The following GSDME variants were observed in gnomAD, a reference collection of about 807,000 sequenced individuals.
GSDME encodes the protein gasdermin E.
In GSDME, 44 loss-of-function variants were observed where a neutral mutation model predicts 47.5. The observed-to-expected ratio is 0.93, with a 90% CI of 0.73 to 1.19. The LOEUF is 1.19. Ranked by LOEUF, GSDME falls within the 50% of genes most tolerant of loss-of-function variation. The probability of loss-of-function intolerance (pLI) is 0.00; values close to 1 mark genes in which losing one functional copy is unlikely to be tolerated. For synonymous variants in GSDME, 258 were observed against 252.8 expected (o/e 1.02, Z -0.20); for missense variants, 663 against 604.2 (o/e 1.10, Z -1.02).
the GSDME span, among the ~76,000 whole-genome samples, chr7:24,763,479 G>T: frequency 2.0e-5 from 3 of 152,024 alleles, no homozygotes; most frequent in Non-Finnish European, 4.4e-5. This position sits in a 1 kb window ranked among gnomAD's most constrained non-coding sequence, Gnocchi z 4.3. Context: ...GTGACCAGCA[G>T]GCAGGCGTGT....
At chr7:24,710,075 TG>T in intron 6 of GSDME, 148 bp downstream of exon 6, 1 of 862,506 alleles carries the variant, frequency 1.2e-6, no homozygotes, top group Non-Finnish European at 1.9e-6. Context: ...TCCTGCCGAG[TG>T]GACTGGGCCT....
At chr7:24,765,253 G>A in the GSDME span, among the ~76,000 whole-genome samples, 1 of 152,202 alleles carries the variant, frequency 6.6e-6, no homozygotes, top group African/African-American at 2.4e-5. Context: ...ATCCCATTAA[G>A]TTTTAAATGT....
At chr7:24,699,777 T>C (rs567876091) in intron 9 of GSDME, among the ~76,000 whole-genome samples, 1 of 152,310 alleles carries the variant, frequency 6.6e-6, no homozygotes, top group Admixed American at 6.5e-5. Context: ...ATCCCTACTC[T>C]CCAAACTCTT....
At chr7:24,750,129 C>G (rs1302494675) in intron 1 of GSDME, among the ~76,000 whole-genome samples, 1 of 152,112 alleles carries the variant, frequency 6.6e-6, no homozygotes. Context: ...ATTCAGGGAT[C>G]CAGACTGAAG....
In GSDME at chr7:24,734,395, C is replaced by G. The variant is rs552535556; in HGVS notation, c.404+10167G>C. Among the ~76,000 whole-genome samples, 35 of 152,326 alleles carry G rather than the reference C, an allele frequency of 2.3e-4. No homozygotes were observed. The South Asian group carries it at 6.8e-3, about 30-fold the overall frequency. The stretch of plus-strand genomic sequence containing the variant: ...TCAAAGCCCAGATACTGACAAACAT[C>G]CACAAGCATCAAGACAATCCAGGAA... On this transcript the variant is annotated intron_variant, in intron 3 of 9. Coordinates refer to ENST00000645220, the MANE Select transcript of GSDME (RefSeq NM_001127453.2).
At chr7:24,710,120 G>A in intron 6 of GSDME, 104 bp downstream of exon 6, 1 of 1,257,490 alleles carries the variant, frequency 8.0e-7, no homozygotes, top group South Asian at 1.2e-5. Flanking sequence ...TATGTTTTCT[G>A]TGAGTCACTG....
At position 24,708,288 on chromosome 7, in the gene GSDME, T is replaced by C. The variant is rs748911213; in HGVS notation, c.863-34A>G. 64 of 1,613,376 alleles carry C rather than the reference T, an allele frequency of 4.0e-5. No homozygotes were observed. In the South Asian group the frequency reaches 6.5e-4, roughly 16 times the overall value. On this transcript the variant is annotated intron_variant, in intron 6 of 9. Coordinates refer to ENST00000645220, the MANE Select transcript of GSDME (RefSeq NM_001127453.2). ...ACAAAGCACACCCAAGTCTCATGAC[T>C]GCGATGCACATCTCACGACGTCGGA...
chr7:24,734,260 A>C (rs567053433), intron 3 of GSDME, among the ~76,000 whole-genome samples: 60 of 152,372 alleles, frequency 3.9e-4, no homozygotes, highest in African/African-American at 1.3e-3. Flanking sequence ...GCAGTGACAA[A>C]AAACTTGGAT....
intron 3 of GSDME, among the ~76,000 whole-genome samples, chr7:24,737,856 C>T (rs1174485219): frequency 6.6e-6 from 1 of 152,154 alleles, no homozygotes; most frequent in Non-Finnish European, 1.5e-5. Context: ...CAGTGTGACA[C>T]ATTATATCAA....
At chr7:24,790,994 C>A in the GSDME span, among the ~76,000 whole-genome samples, 19,362 of 152,058 alleles carry the variant, frequency 0.13, 1,331 homozygotes, top group East Asian at 0.2. The surrounding 1 kb of genome is among the most constrained non-coding windows in gnomAD (Gnocchi z 4.1). Context: ...CATGCTTTGG[C>A]CATGCATGGA....
Position 24,719,125 on chromosome 7 carries a change from C to T in GSDME, c.498G>A (p.Gln166=). ...CVLTQKITTM[Q]KCVISEHMQV... is the part of the protein sequence containing the mutation. ...GCATGTGCTCAGAGATCACACACTT[C>T]TGCATCGTCGTGATCTTCTGTGTCA... Residue 166 remains glutamine, a synonymous_variant, in exon 4 of 10, where the codon CAG becomes CAA. Coordinates refer to ENST00000645220, the MANE Select transcript of GSDME (RefSeq NM_001127453.2). 6.2e-7 allele frequency: 1 copy of T among 1,613,962 alleles called. No individual in the cohort carries two copies. Among genetic ancestry groups the T allele is most frequent in the Non-Finnish European group, 8.5e-7 (1 of 1,180,030 alleles).
intron 7 of GSDME, among the ~76,000 whole-genome samples, chr7:24,706,762 C>T (rs529603128): frequency 6.6e-6 from 1 of 152,358 alleles, no homozygotes; most frequent in African/African-American, 2.4e-5. Flanking sequence ...GGCCACATTC[C>T]CACCGGGCAC....
chr7:24,756,626 T>C lies in GSDME; in HGVS notation c.-20+770A>G, dbSNP rs1791026224. ...TCCCTTTCATTATCCCATTCACTAT[T>C]CTGGACAGAGTAGACTCTGGAGGAG... is the stretch of plus-strand genomic sequence containing the variant. On this transcript the variant is annotated intron_variant, in intron 1 of 9. Coordinates refer to ENST00000645220, the MANE Select transcript of GSDME (RefSeq NM_001127453.2). This position sits in a 1 kb window ranked among gnomAD's most constrained non-coding sequence, Gnocchi z 4.2. Among the ~76,000 whole-genome samples, 2 of 152,168 alleles carry C rather than the reference T, an allele frequency of 1.3e-5. No homozygotes were observed. Among genetic ancestry groups the C allele is most frequent in the African/African-American group, 4.8e-5 (2 of 41,446 alleles).
In GSDME at chr7:24,744,447, A is replaced by T; in HGVS notation, c.404+115T>A. ...AAATTTCAACACAAGCGCATTCAAT[A>T]CATGTTTATTGATCGGCAGAGATCA... On this transcript the variant is annotated intron_variant, in intron 3 of 9. Transcript: ENST00000645220. This position sits in a 1 kb window ranked among gnomAD's most constrained non-coding sequence, Gnocchi z 4.5. 1.7e-6 allele frequency: 2 copies of T among 1,148,092 alleles called. No homozygotes were observed. Among genetic ancestry groups the T allele is most frequent in the Non-Finnish European group, 2.6e-6 (2 of 766,908 alleles). The allele number at this position is 1,148,092 out of a possible 1,614,324, so 71.1% of individuals were successfully genotyped here. A position where few individuals can be genotyped will look rare whatever the true frequency, so the allele number is the denominator to read the frequency against.
At position 24,744,209 on chromosome 7, in the gene GSDME, G is replaced by A. The variant is rs954969553; in HGVS notation, c.404+353C>T. 1.3e-5 allele frequency: 3 copies of A among 229,930 alleles called. No individual in the cohort carries two copies. Among genetic ancestry groups the A allele is most frequent in the African/African-American group, 6.9e-5 (3 of 43,764 alleles). The allele number at this position is 229,930 out of a possible 1,614,324, so 14.2% of individuals were successfully genotyped here. On this transcript the variant is annotated intron_variant, in intron 3 of 9. Coordinates refer to ENST00000645220, the MANE Select transcript of GSDME (RefSeq NM_001127453.2). This position sits in a 1 kb window ranked among gnomAD's most constrained non-coding sequence, Gnocchi z 4.5. ...TTCTTTTTTTCATCAGAAAATTATA[G>A]AGCCAGAGGGGGGTCATGACTTCCT...
rs1351068931 is a variant in GSDME, at chr7:24,698,931, C to CATTT, written c.*91_*94dup. 1.6e-5 allele frequency: 14 copies of CATTT among 893,822 alleles called. No individual in the cohort carries two copies. The highest frequency in any genetic ancestry group is 2.2e-4 in the Middle Eastern group (1 of 4,642). The allele number at this position is 893,822 out of a possible 1,614,324, so 55.4% of individuals were successfully genotyped here. A position where few individuals can be genotyped will look rare whatever the true frequency, so the allele number is the denominator to read the frequency against. On this transcript the variant is annotated 3_prime_UTR_variant, in exon 10 of 10. Coordinates refer to ENST00000645220, the MANE Select transcript of GSDME (RefSeq NM_001127453.2). ...CACTTCTTAAACTGTTCTGTAAATT[C>CATTT]ATTTCATTGGTCAACTTTTAACGTG...
intron 3 of GSDME, 92 bp from the exon 4 acceptor site, chr7:24,719,310 T>A: frequency 7.4e-7 from 1 of 1,349,278 alleles, no homozygotes; most frequent in Non-Finnish European, 1.0e-6. Context: ...AGCTGAGGAG[T>A]GAGCAGGTGA....
chr7:24,742,206 G>A lies in GSDME; in HGVS notation c.404+2356C>T, dbSNP rs1421299512. Among the ~76,000 whole-genome samples, 4 of 152,122 alleles carry A rather than the reference G, an allele frequency of 2.6e-5. No homozygotes were observed. Among genetic ancestry groups the A allele is most frequent in the Non-Finnish European group, 4.4e-5 (3 of 68,032 alleles). On this transcript the variant is annotated intron_variant, in intron 3 of 9. Transcript: ENST00000645220. The surrounding 1 kb of genome is among the most constrained non-coding windows in gnomAD (Gnocchi z 4.4). ...CCCTAGGGACGCGGGTTCATGCCTC[G>A]GCCTTAACATTCTGTGCTATCATTT...
rs1274942125 is a variant in GSDME, at chr7:24,707,488, T to TTA, written c.990+637_990+638dup. On this transcript the variant is annotated intron_variant, in intron 7 of 9. Transcript: ENST00000645220. ...CTGTTCTAAATGGAACAGGCTGACT[T>TTA]TATAGATTCCACCACACGACCCCCT... 14 of 462,102 alleles carry TTA rather than the reference T, an allele frequency of 3.0e-5. No homozygotes were observed. The East Asian group carries it at 9.2e-4, about 30-fold the overall frequency. 28.6% of individuals were successfully genotyped at this position (462,102 alleles called of 1,614,324 possible). A position where few individuals can be genotyped will look rare whatever the true frequency, so the allele number is the denominator to read the frequency against.
Sources: allele counts gnomAD v4.1 joint callset (sites outside exome capture counted in the v4.1 genomes callset), GRCh38; gene constraint gnomAD v4.1.1; non-coding constraint Gnocchi (gnomAD v3.1); transcripts MANE v1.5; gene names NCBI Gene and HGNC (gene_info 2026-07-23, HGNC 2026-07-21).